DGKB: variants seen among roughly 807,000 people sequenced by gnomAD.
DGKB encodes the protein diacylglycerol kinase beta, also known as 90 kDa diacylglycerol kinase.
A neutral mutation model predicts 114.3 loss-of-function variants in DGKB; 67 were observed. The observed-to-expected ratio is 0.59, with a 90% CI of 0.48 to 0.72. The LOEUF is 0.72. Among genes scored for constraint, DGKB ranks in the 30% least tolerant of loss-of-function variants. DGKB has a pLI of 0.00. For missense variants in DGKB, 907 were observed against 975.2 expected (o/e 0.93, Z 0.93); for synonymous variants, 398 against 323.1 (o/e 1.23, Z -2.49).
At chr7:14,419,364 C>T (rs939680967) in intron 21 of DGKB, among the ~76,000 whole-genome samples, 1 of 151,864 alleles carries the variant, frequency 6.6e-6, no homozygotes, top group Admixed American at 6.6e-5. Flanking sequence ...AAAGATACTT[C>T]TGAATATTTC....
intron 6 of DGKB, among the ~76,000 whole-genome samples, chr7:14,704,480 G>T (rs961183971): frequency 6.6e-6 from 1 of 151,004 alleles, no homozygotes; most frequent in African/African-American, 2.4e-5. Flanking sequence ...AAGAAAAAAA[G>T]GGGGAGGAGC....
intron 9 of DGKB, among the ~76,000 whole-genome samples, chr7:14,691,196 A>G (rs1290127676): frequency 3.3e-5 from 5 of 152,120 alleles, no homozygotes; most frequent in Non-Finnish European, 7.4e-5. Flanking sequence ...AGTGAAGATT[A>G]CTCTCCCAGG....
intron 1 of DGKB, among the ~76,000 whole-genome samples, chr7:14,862,288 T>A (rs2128181884): frequency 6.6e-6 from 1 of 152,174 alleles, no homozygotes; most frequent in Non-Finnish European, 1.5e-5. Flanking sequence ...CCACTGTGTG[T>A]ATGTATGTGT....
Position 14,747,775 on chromosome 7 carries a change from G to GCGCGCGCGCGCGCGCACACACACACA in DGKB, c.168+6152_168+6153insTGTGTGTGTGTGCGCGCGCGCGCGCG. On this transcript the variant is annotated intron_variant, in intron 4 of 25. Coordinates refer to ENST00000402815, the MANE Select transcript of DGKB (RefSeq NM_001350709.2). ...GCTGTGGGCTCAAACACATCCACGC[G>GCGCGCGCGCGCGCGCACACACACACA]CACGCACACACACACACACACACAC... is the stretch of plus-strand genomic sequence containing the variant. Among the ~76,000 whole-genome samples, 41 of 149,274 alleles carry GCGCGCGCGCGCGCGCACACACACACA rather than the reference G, an allele frequency of 2.7e-4. 1 individual carries two copies. In the Middle Eastern group the frequency reaches 0.014, roughly 51 times the overall value.
At chr7:14,941,530 G>A (rs1295656380) in intron 1 of DGKB, among the ~76,000 whole-genome samples, 3 of 152,038 alleles carry the variant, frequency 2.0e-5, no homozygotes, top group Non-Finnish European at 4.4e-5. Flanking sequence ...TCCAAAAATT[G>A]TATGCATAAT....
intron 23 of DGKB, among the ~76,000 whole-genome samples, chr7:14,307,770 A>T (rs1804730651): frequency 6.6e-6 from 1 of 152,150 alleles, no homozygotes; most frequent in Non-Finnish European, 1.5e-5. Context: ...TATCACATAG[A>T]GTTTTTCTTT....
intron 13 of DGKB, among the ~76,000 whole-genome samples, chr7:14,668,775 T>C (rs1818471499): frequency 6.6e-6 from 1 of 152,108 alleles, no homozygotes; most frequent in Non-Finnish European, 1.5e-5. Context: ...CACTTCCAGC[T>C]CAAATTCCAC....
In DGKB at chr7:14,648,057, G is replaced by A. The variant is rs554258863; in HGVS notation, c.1135-17789C>T. 5.3e-4 allele frequency among the ~76,000 whole-genome samples: 81 copies of A among 152,292 alleles called. 1 individual carries two copies. The highest frequency in any genetic ancestry group is 1.6e-3 in the African/African-American group (68 of 41,568). On this transcript the variant is annotated intron_variant, in intron 13 of 25. Coordinates refer to ENST00000402815, the MANE Select transcript of DGKB (RefSeq NM_001350709.2). ...TGAGATCAAACTGCAAGGCGGCAGC[G>A]AGGCTGGGGGAGGGGCGCCCACCAT...
At chr7:14,217,744 C>G (rs913365312) in intron 23 of DGKB, among the ~76,000 whole-genome samples, 2 of 152,062 alleles carry the variant, frequency 1.3e-5, no homozygotes, top group African/African-American at 4.8e-5. Flanking sequence ...TATCTAGTCC[C>G]TTACGCTTTC....
chr7:14,540,623 ATAGTT>A lies in DGKB; in HGVS notation c.1770+33584_1770+33588del, dbSNP rs377243316. On this transcript the variant is annotated intron_variant, in intron 20 of 25. Coordinates refer to ENST00000402815, the MANE Select transcript of DGKB (RefSeq NM_001350709.2). ...CAGATTTACCTTCTACATTGGTAAT[ATAGTT>A]TAGTTTACTATTTGAGTTACAAATT... Among the ~76,000 whole-genome samples, 215 of 152,298 alleles carry A rather than the reference ATAGTT, an allele frequency of 1.4e-3. 4 individuals carry two copies. In the South Asian group the frequency reaches 0.016, roughly 11 times the overall value.
At chr7:14,312,385 A>G (rs747630557) in intron 23 of DGKB, among the ~76,000 whole-genome samples, 14 of 152,196 alleles carry the variant, frequency 9.2e-5, no homozygotes, top group Non-Finnish European at 2.1e-4. Context: ...AAGCAAAACA[A>G]TGTTGTATAA....
intron 20 of DGKB, among the ~76,000 whole-genome samples, chr7:14,541,720 A>G (rs1419208052): frequency 1.3e-5 from 2 of 152,300 alleles, no homozygotes; most frequent in East Asian, 3.9e-4. Context: ...AATCACATCC[A>G]CATCAATCTA....
Position 14,396,714 on chromosome 7 carries a change from T to C in DGKB, c.1836-51323A>G, listed in dbSNP as rs62444608. On this transcript the variant is annotated intron_variant, in intron 21 of 25. Coordinates refer to ENST00000402815, the MANE Select transcript of DGKB (RefSeq NM_001350709.2). The stretch of plus-strand genomic sequence containing the variant: ...ATAAGCAGTATGTTTTAAAGTGCTC[T>C]GGACACATTTCACACCAGGGTGACA... 5.2e-3 allele frequency among the ~76,000 whole-genome samples: 790 copies of C among 152,320 alleles called. 6 individuals are homozygous for C. The highest frequency in any genetic ancestry group is 0.017 in the Middle Eastern group (5 of 294).
At chr7:14,167,304 G>A (rs562213170) in intron 25 of DGKB, among the ~76,000 whole-genome samples, 5 of 152,144 alleles carry the variant, frequency 3.3e-5, no homozygotes, top group Non-Finnish European at 7.4e-5. Context: ...TCCAATGGAG[G>A]AGACATCTTT....
chr7:14,866,937 G>C (rs901972386), intron 1 of DGKB, among the ~76,000 whole-genome samples: 2 of 152,144 alleles, frequency 1.3e-5, no homozygotes, highest in Non-Finnish European at 1.5e-5. Context: ...TAAGTGTGTA[G>C]TAATATCTCA....
chr7:14,618,594 A>G (rs1051885568), intron 15 of DGKB, among the ~76,000 whole-genome samples: 1 of 151,552 alleles, frequency 6.6e-6, no homozygotes, highest in Non-Finnish European at 1.5e-5. Context: ...GATCATATGT[A>G]TTAAGTGTAA....
At chr7:14,197,573 A>G (rs949712649) in intron 23 of DGKB, among the ~76,000 whole-genome samples, 1 of 152,084 alleles carries the variant, frequency 6.6e-6, no homozygotes, top group African/African-American at 2.4e-5. Context: ...TATATTTAAG[A>G]TCAGTGGGGG....
chr7:14,580,817 G>C, intron 19 of DGKB, 45 bp downstream of exon 19: 1 of 1,313,806 alleles, frequency 7.6e-7, no homozygotes, highest in Non-Finnish European at 1.1e-6. Flanking sequence ...CAAGGGAAAG[G>C]GGTGTTGTGT....
chr7:14,485,413 G>T (rs1374448055), intron 20 of DGKB, among the ~76,000 whole-genome samples: 1 of 151,668 alleles, frequency 6.6e-6, no homozygotes, highest in African/African-American at 2.4e-5. Context: ...GGAACCCATT[G>T]TAGATTTCTG....
Sources: allele counts gnomAD v4.1 joint callset (sites outside exome capture counted in the v4.1 genomes callset), GRCh38; gene constraint gnomAD v4.1.1; transcripts MANE v1.5; gene names NCBI Gene and HGNC (gene_info 2026-07-23, HGNC 2026-07-21).